Variants in CGN observed in about 807,000 individuals in gnomAD.
The protein encoded by CGN is cingulin.
A neutral mutation model predicts 157.1 loss-of-function variants in CGN; 121 were observed. The ratio of observed to expected loss-of-function variants is 0.77; its 90% CI spans 0.66 to 0.90. CGN has a LOEUF of 0.90. Among genes scored for constraint, CGN ranks in the 40% least tolerant of loss-of-function variants. The pLI is 0.00. For missense variants in CGN, 1,424 were observed against 1,520.9 expected (o/e 0.94, Z 1.06); for synonymous variants, 535 against 607.5 (o/e 0.88, Z 1.76).
At chr1:151,531,676 G>A (rs1188116681) in intron 13 of CGN, among the ~76,000 whole-genome samples, 2 of 152,140 alleles carry the variant, frequency 1.3e-5, no homozygotes. Flanking sequence ...TTTAAATTTG[G>A]GTGAGGGGAA....
rs753767751 is a variant in CGN, at chr1:151,536,768, T to C, written c.3345T>C (p.Asp1115=). The change falls in exon 20 of 21, where the codon GAT becomes GAC. Residue 1115 remains aspartate (D), a synonymous_variant. Coordinates refer to ENST00000271636, the MANE Select transcript of CGN (RefSeq NM_020770.3). ...LRVKALKRQV[D]EAEEEIERLD... is the part of the protein sequence containing the mutation. ...TGAAGGCTTTGAAGCGTCAGGTGGA[T>C]GAAGCAGAAGAGGAAATTGAGCGAC... 4.3e-6 allele frequency: 7 copies of C among 1,614,088 alleles called. No individual in the cohort carries two copies. Among genetic ancestry groups the C allele is most frequent in the Non-Finnish European group, 5.9e-6 (7 of 1,180,012 alleles).
At chr1:151,531,550 C>T (rs781266423) in intron 13 of CGN, among the ~76,000 whole-genome samples, 27 of 151,990 alleles carry the variant, frequency 1.8e-4, no homozygotes, top group Admixed American at 3.3e-4. Context: ...CCCAGCTACT[C>T]GGAAGGCTGA....
intron 5 of CGN, 67 bp from the exon 6 acceptor site, chr1:151,523,367 T>A: frequency 6.8e-7 from 1 of 1,469,350 alleles, no homozygotes; most frequent in Non-Finnish European, 9.2e-7. Flanking sequence ...GACATTCCCA[T>A]TATTCTGAGT....
At position 151,518,693 on chromosome 1, in the gene CGN, G is replaced by A. The variant is rs1427372231; in HGVS notation, c.174G>A (p.Gln58=). The A allele has an allele frequency of 1.2e-5, 19 of 1,614,092 alleles. No homozygotes were observed. Among genetic ancestry groups the A allele is most frequent in the Non-Finnish European group, 1.6e-5 (19 of 1,180,050 alleles). ...ASTYGVAVRV[Q]GIAGQPFVVL... ...CCTACGGGGTTGCTGTGCGTGTGCA[G>A]GGAATCGCTGGGCAGCCCTTTGTGG... The change falls in exon 2 of 21, where the codon CAG becomes CAA. Residue 58 remains glutamine (Q), a synonymous_variant. Coordinates refer to ENST00000271636, the MANE Select transcript of CGN (RefSeq NM_020770.3).
At chr1:151,530,846 G>A (rs1664820241) in intron 13 of CGN, 100 bp downstream of exon 13, 1 of 1,304,118 alleles carries the variant, frequency 7.7e-7, no homozygotes, top group African/African-American at 1.5e-5. Context: ...TAGTCAGAAT[G>A]TGTGATGATT....
intron 14 of CGN, among the ~76,000 whole-genome samples, chr1:151,533,501 G>A (rs913896474): frequency 6.9e-6 from 1 of 144,186 alleles, no homozygotes; most frequent in African/African-American, 2.6e-5. Flanking sequence ...AAACAATAAA[G>A]GAAATTAATG....
rs200603778 is a variant in CGN, at chr1:151,516,552, T to C, written c.-14-1954T>C. On this transcript the variant is annotated intron_variant, in intron 1 of 20. Transcript: ENST00000271636. ...CCCCTTAAAGTGGCACTTTTTTTTT[T>C]TTTTTTTGAGATAGAGTTTCACTCT... Among the ~76,000 whole-genome samples, 144 of 151,644 alleles carry C rather than the reference T, an allele frequency of 9.5e-4. 1 individual carries two copies. The East Asian group carries it at 0.027, about 28-fold the overall frequency.
At chr1:151,532,714 G>T (rs1341348913) in intron 14 of CGN, 142 bp downstream of exon 14, 1 of 579,854 alleles carries the variant, frequency 1.7e-6, no homozygotes, top group African/African-American at 2.0e-5. Context: ...CTGCCTCCGG[G>T]GTTCACACCA....
intron 5 of CGN, 80 bp downstream of exon 5, chr1:151,520,771 C>A: frequency 9.0e-7 from 1 of 1,105,950 alleles, no homozygotes; most frequent in Non-Finnish European, 1.3e-6. Flanking sequence ...TGAGCTGACC[C>A]TTCTAAGCAA....
At position 151,536,726 on chromosome 1, in the gene CGN, C is replaced by T. The variant is rs763247424; in HGVS notation, c.3307-4C>T. 5 of 1,613,930 alleles carry T rather than the reference C, an allele frequency of 3.1e-6. No homozygotes were observed. Among genetic ancestry groups the T allele is most frequent in the Admixed American group, 3.3e-5 (2 of 60,004 alleles). On this transcript the variant is annotated splice_region_variant and splice_polypyrimidine_tract_variant and intron_variant, in intron 19 of 20. Coordinates refer to ENST00000271636, the MANE Select transcript of CGN (RefSeq NM_020770.3). ...CAGATGTGTGGACTTGGTATCCTGC[C>T]CAGCTAAGCCTGAGGGTGAAGGCTT...
chr1:151,516,137 C>T (rs887510588), intron 1 of CGN, among the ~76,000 whole-genome samples: 3 of 152,218 alleles, frequency 2.0e-5, no homozygotes, highest in Non-Finnish European at 4.4e-5. Flanking sequence ...TCACCTGTAG[C>T]TCTGCCTCTC....
chr1:151,535,940 T>C, intron 18 of CGN, 42 bp downstream of exon 18: 1 of 1,481,422 alleles, frequency 6.8e-7, no homozygotes, highest in Non-Finnish European at 9.4e-7. Flanking sequence ...CCTCCTTTTC[T>C]TCCTCCCTCC....
chr1:151,524,415 A>G lies in CGN; in HGVS notation c.1401+57A>G, dbSNP rs1262565358. On this transcript the variant is annotated intron_variant, in intron 7 of 20. Transcript: ENST00000271636. The surrounding 1 kb of genome is among the most constrained non-coding windows in gnomAD (Gnocchi z 4.4). ...GCTTTTTCTCAGTTGGAGCATCCTC[A>G]AGTCTGCTCATCCATGGTTTCCCCA... The G allele has an allele frequency of 6.2e-7, 1 of 1,601,938 alleles. No individual in the cohort carries two copies. The highest frequency in any genetic ancestry group is 8.5e-7 in the Non-Finnish European group (1 of 1,174,222).
chr1:151,531,426 T>C (rs577285658), intron 13 of CGN, among the ~76,000 whole-genome samples: 2 of 152,248 alleles, frequency 1.3e-5, no homozygotes, highest in South Asian at 4.1e-4. Flanking sequence ...CTGTGGTGGC[T>C]TGTTCCTCAG....
rs368062623 is a variant in CGN at position 151,523,600 on chromosome 1, G to A, written c.1268+39G>A. On this transcript the variant is annotated intron_variant, in intron 6 of 20. Coordinates refer to ENST00000271636, the MANE Select transcript of CGN (RefSeq NM_020770.3). Reference sequence around the variant, plus strand: ...GTGGCGCACCTCGGGCTGCTTGGGGGCCTAGGCCAGGTTTAGAGGCCACTC... The same window carrying A: ...GTGGCGCACCTCGGGCTGCTTGGGGACCTAGGCCAGGTTTAGAGGCCACTC... 5.2e-6 allele frequency: 8 copies of A among 1,549,964 alleles called. No individual in the cohort carries two copies. The East Asian group carries it at 1.4e-4, about 27-fold the overall frequency.
At chr1:151,526,376 C>T (rs955467327) in intron 9 of CGN, among the ~76,000 whole-genome samples, 3 of 151,244 alleles carry the variant, frequency 2.0e-5, no homozygotes, top group Non-Finnish European at 2.9e-5. Context: ...GGGGTTTCAC[C>T]ATATTGGCCA....
In CGN at chr1:151,529,971, G is replaced by C; in HGVS notation, c.2169G>C (p.Thr723=). ...GGCAGCGGCGGGCCGCAGTGGAGAC[G>C]ACGCTTCGGGAGACCCAGGAGGAAA... The part of the protein sequence containing the change: ...VLGQRRAAVE[T]TLRETQEEND... Residue 723 remains threonine, a synonymous_variant, in exon 12 of 21, where the codon ACG becomes ACC. Transcript: ENST00000271636. 1 of 1,614,124 alleles carries C rather than the reference G, an allele frequency of 6.2e-7. No individual in the cohort carries two copies. The highest frequency in any genetic ancestry group is 8.5e-7 in the Non-Finnish European group (1 of 1,180,008).
rs777578389 is a variant in CGN at position 151,519,001 on chromosome 1, C to G, written c.482C>G (p.Pro161Arg). The change falls in exon 2 of 21, where the codon CCG (proline) becomes CGG (arginine). Residue 161 changes from proline (P) to arginine (R), a missense_variant. This residue lies in a region of CGN where 1,187 missense variants were observed against 1,217.6 expected (regional missense o/e 0.97). Coordinates refer to ENST00000271636, the MANE Select transcript of CGN (RefSeq NM_020770.3). ...AGCAACAGCATGCTGGAGCTAGCCC[C>G]GAAAGTGGCTTCCCCAGGTAGCACC... ...NRSNSMLELA[P>R]KVASPGSTID... 6.2e-7 allele frequency: 1 copy of G among 1,614,196 alleles called. No individual in the cohort carries two copies. Among genetic ancestry groups the G allele is most frequent in the East Asian group, 2.2e-5 (1 of 44,884 alleles).
Position 151,523,457 on chromosome 1 carries a change from C to T in CGN, c.1164C>T (p.Ser388=). The T allele has an allele frequency of 1.2e-6, 2 of 1,613,310 alleles. No individual in the cohort carries two copies. The highest frequency in any genetic ancestry group is 1.1e-5 in the South Asian group (1 of 90,928). The change falls in exon 6 of 21, where the codon TCC becomes TCT. Residue 388 remains serine (S), a synonymous_variant. Transcript: ENST00000271636. ...EVKKRQKLEP[S]QVGLERQLEE... ...AGAAGCGGCAGAAGCTAGAGCCATCCCAAGTTGGGCTGGAGCGGCAGCTGG... is the reference window on the plus strand; with the variant it reads ...AGAAGCGGCAGAAGCTAGAGCCATCTCAAGTTGGGCTGGAGCGGCAGCTGG...
Sources: gnomAD v4.1 joint callset for allele counts (sites outside exome capture counted in the v4.1 genomes callset) on GRCh38, gnomAD v4.1.1 for gene constraint, gnomAD v4.1.1 regional missense constraint, Gnocchi (gnomAD v3.1) non-coding constraint, MANE v1.5 for transcripts, NCBI Gene and HGNC (gene_info 2026-07-23, HGNC 2026-07-21) for gene names.